Variants in DNAH8 observed in about 807,000 individuals in gnomAD.
DNAH8 encodes the protein axonemal beta dynein heavy chain 8.
Under a neutral mutation model 562.1 loss-of-function variants are expected in DNAH8, and 382 were observed. That is an observed-to-expected ratio of 0.68 (90% CI 0.63 to 0.74). The LOEUF (loss-of-function observed/expected upper bound fraction) is 0.74. Among genes scored for constraint, DNAH8 ranks in the 30% least tolerant of loss-of-function variants. DNAH8 has a pLI of 0.00. For missense variants in DNAH8, 5,203 were observed against 5,620.4 expected, an observed-to-expected ratio of 0.93 and a Z score of 2.37; for synonymous variants, 1,881 against 1,919.4, an observed-to-expected ratio of 0.98 and a Z score of 0.52.
intron 3 of DNAH8, among the ~76,000 whole-genome samples, chr6:38,726,510 T>C (rs1360496912): frequency 5.9e-5 from 9 of 152,166 alleles, no homozygotes; most frequent in Non-Finnish European, 1.3e-4. Context: ...ATTCTACCTT[T>C]AAGGCCATTA....
chr6:38,870,609 A>G, intron 49 of DNAH8, 47 bp downstream of exon 49: 1 of 1,545,648 alleles, frequency 6.5e-7, no homozygotes, highest in Non-Finnish European at 8.8e-7. Context: ...AGTATGTGTT[A>G]AACATTCCTG....
chr6:38,867,522 A>C (rs924116078), intron 47 of DNAH8, among the ~76,000 whole-genome samples: 3 of 151,656 alleles, frequency 2.0e-5, no homozygotes, highest in Non-Finnish European at 4.4e-5. Context: ...AGGCGAGTGG[A>C]TCATGAGGTC....
At chr6:38,940,420 T>C (rs1365011515) in intron 79 of DNAH8, among the ~76,000 whole-genome samples, 2 of 152,072 alleles carry the variant, frequency 1.3e-5, no homozygotes, top group African/African-American at 4.8e-5. Flanking sequence ...CTGGATGTGA[T>C]TTTAGGACCT....
At chr6:38,850,512 G>C (rs1775656692) in intron 38 of DNAH8, 98 bp downstream of exon 38, 1 of 1,090,164 alleles carries the variant, frequency 9.2e-7, no homozygotes, top group Non-Finnish European at 1.3e-6. Context: ...TGGTAGTGAT[G>C]GTTAAAGTGG....
intron 91 of DNAH8, 76 bp downstream of exon 91, chr6:39,012,713 A>G: frequency 8.9e-7 from 1 of 1,123,920 alleles, no homozygotes; most frequent in Non-Finnish European, 1.3e-6. Context: ...ATAAATATAT[A>G]CCATATAAAA....
rs376791268 is a variant in DNAH8, at chr6:38,737,938, A to G, written c.1082A>G (p.Glu361Gly). 1 of 1,609,092 alleles carries G rather than the reference A, an allele frequency of 6.2e-7. No individual in the cohort carries two copies. The highest frequency in any genetic ancestry group is 8.5e-7 in the Non-Finnish European group (1 of 1,177,844). Residue 361 changes from glutamate to glycine, a missense_variant, in exon 7 of 93, where the codon GAA becomes GGA. Transcript: ENST00000327475. ...SNSETVHQLE[E>G]VLMVWYKQIE... Reference sequence around the variant, plus strand: ...TCAGAAACTGTTCATCAGCTGGAGGAAGTGCTGATGGTATGGTACAAACAG... The same window carrying G: ...TCAGAAACTGTTCATCAGCTGGAGGGAGTGCTGATGGTATGGTACAAACAG...
chr6:38,854,681 G>C lies in DNAH8; in HGVS notation c.5733+1334G>C, dbSNP rs374714044. ...CACGTATTTTCTTTCTCCAGACCCT[G>C]TATATCCTGAAGGAGAGGCTTGGCC... is the stretch of plus-strand genomic sequence containing the variant. On this transcript the variant is annotated intron_variant, in intron 41 of 92. Coordinates refer to ENST00000327475, the MANE Select transcript of DNAH8 (RefSeq NM_001206927.2). Among the ~76,000 whole-genome samples the C allele has an allele frequency of 1.4e-4, 22 of 152,068 alleles. No homozygotes were observed. In the East Asian group the frequency reaches 3.3e-3, roughly 23 times the overall value.
rs546739173 is a variant in DNAH8, at chr6:38,890,480, C to T, written c.8474-172C>T. The stretch of plus-strand genomic sequence containing the variant: ...AATACATATAAAACACTTATCACTG[C>T]GTACTAAGCTTGGCTGGATCCACTA... On this transcript the variant is annotated intron_variant, in intron 57 of 92. Transcript: ENST00000327475. Among the ~76,000 whole-genome samples, 54 of 152,262 alleles carry T rather than the reference C, an allele frequency of 3.5e-4. 1 individual carries two copies. The highest frequency in any genetic ancestry group is 2.6e-3 in the Admixed American group (39 of 15,286).
chr6:38,937,919 T>C (rs1225863701), intron 77 of DNAH8, 55 bp from the exon 78 acceptor site: 1 of 1,587,728 alleles, frequency 6.3e-7, no homozygotes, highest in African/African-American at 1.4e-5. Flanking sequence ...GAGATGTATC[T>C]TGCTTTGCAA....
intron 48 of DNAH8, among the ~76,000 whole-genome samples, chr6:38,868,573 T>C (rs770989532): frequency 5.3e-5 from 8 of 152,238 alleles, no homozygotes; most frequent in Non-Finnish European, 1.2e-4. Flanking sequence ...ATCTCAGATA[T>C]ATCTCTCCCA....
chr6:38,799,722 A>G (rs1272114148), intron 21 of DNAH8, among the ~76,000 whole-genome samples: 2 of 133,012 alleles, frequency 1.5e-5, no homozygotes, highest in African/African-American at 5.2e-5. Flanking sequence ...CATCTTCATC[A>G]CCCAAAAGAA....
intron 62 of DNAH8, among the ~76,000 whole-genome samples, chr6:38,901,940 G>A (rs114937842): frequency 0.014 from 2,113 of 152,164 alleles, 48 homozygotes; most frequent in African/African-American, 0.048. Flanking sequence ...GCAACCTAGG[G>A]CCTACACTCC....
At chr6:38,801,120 G>A (rs771060658) in intron 21 of DNAH8, among the ~76,000 whole-genome samples, 35 of 151,952 alleles carry the variant, frequency 2.3e-4, no homozygotes, top group Non-Finnish European at 2.4e-4. Context: ...ATAACTTTGC[G>A]TAATCCAAGG....
intron 11 of DNAH8, among the ~76,000 whole-genome samples, chr6:38,768,900 A>G (rs1263908608): frequency 6.6e-6 from 1 of 152,042 alleles, no homozygotes; most frequent in Non-Finnish European, 1.5e-5. Context: ...TTCTCTTGTT[A>G]TTTTTGGGAA....
rs1583127630 is a variant in DNAH8, at chr6:38,831,058, C to T, written c.4189-1264C>T. 2.0e-5 allele frequency among the ~76,000 whole-genome samples: 3 copies of T among 152,102 alleles called. No individual in the cohort carries two copies. In the East Asian group the frequency reaches 5.8e-4, roughly 29 times the overall value. On this transcript the variant is annotated intron_variant, in intron 30 of 92. Transcript: ENST00000327475. ...TCCTCTTGCTGGTTAGTCAGAGGAG[C>T]GAGTCTTAGAAAAGAAATAGGAAAT... is the stretch of plus-strand genomic sequence containing the variant.
rs149841233 is a variant in DNAH8, at chr6:38,889,435, G to A, written c.8474-1217G>A. Among the ~76,000 whole-genome samples the A allele has an allele frequency of 9.6e-4, 146 of 152,322 alleles. 1 individual carries two copies. The highest frequency in any genetic ancestry group is 3.2e-3 in the African/African-American group (133 of 41,568). On this transcript the variant is annotated intron_variant, in intron 57 of 92. Transcript: ENST00000327475. ...TGGAGAAGGGAGGAATTGTGAACAA[G>A]GATGAACGTACAAGGGCTTCTAATG...
intron 1 of DNAH8, among the ~76,000 whole-genome samples, chr6:38,715,945 TATATATATATATATA>T (rs1762279452): frequency 4.8e-5 from 1 of 20,892 alleles, no homozygotes; most frequent in Non-Finnish European, 9.8e-5. Flanking sequence ...TATATATATA[TATATATATATATATA>T]TTTTTTTTTT....
intron 61 of DNAH8, 45 bp downstream of exon 61, chr6:38,898,425 A>G: frequency 6.8e-7 from 1 of 1,461,244 alleles, no homozygotes; most frequent in Non-Finnish European, 9.1e-7. Context: ...ATGATTTAAA[A>G]GCTTCGTATA....
intron 77 of DNAH8, 44 bp from the exon 78 acceptor site, chr6:38,937,930 G>T: frequency 6.3e-7 from 1 of 1,591,230 alleles, no homozygotes. Flanking sequence ...TGCTTTGCAA[G>T]TTTCCCGTCT....
Sources: gnomAD v4.1 joint callset for allele counts (sites outside exome capture counted in the v4.1 genomes callset) on GRCh38, gnomAD v4.1.1 for gene constraint, MANE v1.5 for transcripts, NCBI Gene and HGNC (gene_info 2026-07-23, HGNC 2026-07-21) for gene names.